Variants in GRM7 observed in about 807,000 individuals in gnomAD.
The protein encoded by GRM7 is metabotropic glutamate receptor 7.
Under a neutral mutation model 84.5 loss-of-function variants are expected in GRM7, and 35 were observed. That is an observed-to-expected ratio of 0.41 (90% CI 0.32 to 0.55). The LOEUF is 0.55. Ranked by LOEUF, GRM7 falls within the 20% of genes least tolerant of loss-of-function variation. The pLI is 0.19. For synonymous variants in GRM7, 487 were observed against 455.1 expected, an observed-to-expected ratio of 1.07 and a Z score of -0.89; for missense variants, 1,003 against 1,194.6, an observed-to-expected ratio of 0.84 and a Z score of 2.36.
At chr3:7,249,298 A>C (rs1697891012) in intron 2 of GRM7, among the ~76,000 whole-genome samples, 1 of 152,174 alleles carries the variant, frequency 6.6e-6, no homozygotes, top group South Asian at 2.1e-4. Flanking sequence ...AAAGGACCCT[A>C]GAGTATATAC....
chr3:7,114,701 G>A (rs751429400), intron 1 of GRM7, among the ~76,000 whole-genome samples: 30 of 152,070 alleles, frequency 2.0e-4, no homozygotes, highest in Non-Finnish European at 3.2e-4. Flanking sequence ...CTATCCAAAC[G>A]CTGCACTTTT....
At chr3:7,348,613 AG>A (rs917378704) in intron 4 of GRM7, among the ~76,000 whole-genome samples, 7 of 152,156 alleles carry the variant, frequency 4.6e-5, no homozygotes, top group African/African-American at 1.7e-4. Flanking sequence ...CAATGATTCA[AG>A]GACCCAGACT....
At chr3:7,000,087 T>G (rs182533816) in intron 1 of GRM7, among the ~76,000 whole-genome samples, 7 of 152,142 alleles carry the variant, frequency 4.6e-5, no homozygotes, top group Admixed American at 4.6e-4. Flanking sequence ...TTTTCAAGAT[T>G]TGTTCTCTCA....
At chr3:7,654,889 A>G (rs1699109015) in intron 8 of GRM7, among the ~76,000 whole-genome samples, 1 of 152,226 alleles carries the variant, frequency 6.6e-6, no homozygotes, top group South Asian at 2.1e-4. Flanking sequence ...TTTACTTCTG[A>G]TCAGCTCTAC....
chr3:7,607,726 TTCC>T (rs2125076399), intron 8 of GRM7: 1 of 137,758 alleles, frequency 7.3e-6, no homozygotes, highest in African/African-American at 2.7e-5. Flanking sequence ...TAAGCACACT[TTCC>T]TTTTTTTTTT....
chr3:7,598,069 C>A lies in GRM7; in HGVS notation c.2451+18712C>A, dbSNP rs527349154. 1.1e-4 allele frequency among the ~76,000 whole-genome samples: 16 copies of A among 152,256 alleles called. 1 individual carries two copies. Among genetic ancestry groups the A allele is most frequent in the African/African-American group, 3.4e-4 (14 of 41,552 alleles). ...TAGGATACAGGTATTTGTTTCCTGGCAAACAGTGAAATTTGCATGCAAATT... is the reference window on the plus strand; with the variant it reads ...TAGGATACAGGTATTTGTTTCCTGGAAAACAGTGAAATTTGCATGCAAATT... On this transcript the variant is annotated intron_variant, in intron 8 of 9. Transcript: ENST00000357716.
Position 7,482,981 on chromosome 3 carries a change from T to C in GRM7, c.1515+21259T>C, listed in dbSNP as rs61419961. ...ATTTAAAATTACTTATATGGTCTTG[T>C]TCAATACTCCTAACAATTTTAAGCT... On this transcript the variant is annotated intron_variant, in intron 7 of 9. Transcript: ENST00000357716. Among the ~76,000 whole-genome samples the C allele has an allele frequency of 1.3e-3, 196 of 152,332 alleles. 1 individual carries two copies. Among genetic ancestry groups the C allele is most frequent in the African/African-American group, 4.6e-3 (191 of 41,582 alleles).
intron 7 of GRM7, among the ~76,000 whole-genome samples, chr3:7,464,731 G>C (rs1222331605): frequency 6.6e-6 from 1 of 151,808 alleles, no homozygotes; most frequent in Non-Finnish European, 1.5e-5. Flanking sequence ...GGGAGGCTGA[G>C]GCAGGAGAAT....
intron 1 of GRM7, among the ~76,000 whole-genome samples, chr3:7,081,428 C>T (rs1698271508): frequency 6.6e-6 from 1 of 152,086 alleles, no homozygotes; most frequent in Non-Finnish European, 1.5e-5. Context: ...AGACAATAAA[C>T]TTAATCAGTC....
intron 1 of GRM7, among the ~76,000 whole-genome samples, chr3:6,884,840 C>T (rs1261061954): frequency 1.3e-5 from 2 of 152,036 alleles, no homozygotes; most frequent in African/African-American, 4.8e-5. Context: ...CCTCGTGATC[C>T]ACCCACCTCG....
intron 2 of GRM7, among the ~76,000 whole-genome samples, chr3:7,233,352 C>T (rs369741564): frequency 3.9e-5 from 6 of 152,040 alleles, no homozygotes; most frequent in Non-Finnish European, 5.9e-5. Context: ...ATGATCATTT[C>T]GCTGATTAAA....
intron 1 of GRM7, among the ~76,000 whole-genome samples, chr3:6,986,760 G>A (rs73128521): frequency 6.6e-6 from 1 of 152,162 alleles, no homozygotes; most frequent in South Asian, 2.1e-4. Context: ...CTCATTCTAA[G>A]TTCCACAGCC....
At chr3:7,141,633 A>G (rs954379750) in intron 1 of GRM7, among the ~76,000 whole-genome samples, 1 of 152,056 alleles carries the variant, frequency 6.6e-6, no homozygotes, top group Non-Finnish European at 1.5e-5. Context: ...ATCATGTTTA[A>G]AAGGACAGCT....
At chr3:7,566,965 T>A (rs1694311228) in intron 7 of GRM7, among the ~76,000 whole-genome samples, 1 of 152,196 alleles carries the variant, frequency 6.6e-6, no homozygotes, top group Non-Finnish European at 1.5e-5. Flanking sequence ...TCCCTCATAA[T>A]TTTTTGTTTT....
intron 5 of GRM7, among the ~76,000 whole-genome samples, chr3:7,435,449 C>A (rs1226087965): frequency 6.6e-6 from 1 of 151,956 alleles, no homozygotes; most frequent in East Asian, 1.9e-4. Flanking sequence ...AGCCATTGTG[C>A]CCAGCTATGC....
chr3:7,654,186 G>T (rs1474816574), intron 8 of GRM7, among the ~76,000 whole-genome samples: 1 of 152,098 alleles, frequency 6.6e-6, no homozygotes, highest in East Asian at 1.9e-4. Flanking sequence ...CTTTGAAAAA[G>T]ACCTTTGCGC....
At chr3:7,589,132 G>A (rs1435869280) in intron 8 of GRM7, among the ~76,000 whole-genome samples, 1 of 152,216 alleles carries the variant, frequency 6.6e-6, no homozygotes, top group Non-Finnish European at 1.5e-5. Flanking sequence ...TTACATTGTT[G>A]ATGAGGTGAA....
chr3:7,086,500 A>G (rs9815591), intron 1 of GRM7, among the ~76,000 whole-genome samples: 75,638 of 151,918 alleles, frequency 0.5, 20,135 homozygotes, highest in African/African-American at 0.7. Context: ...GCAAAAGTGA[A>G]GAATGTATGA....
chr3:7,671,320 G>T (rs1176950951), intron 8 of GRM7, among the ~76,000 whole-genome samples: 1 of 151,988 alleles, frequency 6.6e-6, no homozygotes, highest in African/African-American at 2.4e-5. Context: ...CAAGGATGTG[G>T]TCAATTGGAA....
Sources: gnomAD v4.1 joint callset for allele counts (sites outside exome capture counted in the v4.1 genomes callset) on GRCh38, gnomAD v4.1.1 for gene constraint, MANE v1.5 for transcripts, NCBI Gene and HGNC (gene_info 2026-07-23, HGNC 2026-07-21) for gene names.